The following TREX2 variants were observed in gnomAD, a reference collection of about 807,000 sequenced individuals.
TREX2 encodes 3'-5' exonuclease TREX2 long form.
For missense variants in TREX2, 242 were observed against 235.3 expected (o/e 1.03, Z -0.19); for synonymous variants, 121 against 112.1 (o/e 1.08, Z -0.50).
chrX:153,445,541 C>G (rs1409716321), intron 1 of TREX2, 46 bp from the exon 2 acceptor site: 25 of 785,897 alleles, frequency 3.2e-5, no homozygotes, highest in Non-Finnish European at 4.3e-5. Context: ...CCATCCTCCC[C>G]CTAGCCAAAG....
chrX:153,444,682 G>C lies in TREX2; in HGVS notation c.*38C>G, dbSNP rs782788838. On this transcript the variant is annotated 3_prime_UTR_variant, in exon 2 of 2. Transcript: ENST00000370231. ...GGTAGAGGCCAGCTGAACGGTGGAG[G>C]CTGGCACTGTCCATGGCACAGGAGG... 1.7e-6 allele frequency: 2 copies of C among 1,159,878 alleles called. No homozygotes were observed. The highest frequency in any genetic ancestry group is 3.8e-5 in the South Asian group (2 of 52,741).
In TREX2 at chrX:153,444,860, C is replaced by A. The variant is rs2089137892; in HGVS notation, c.571G>T (p.Glu191Ter). Residue 191 changes from glutamate to a stop codon, truncating the protein, a stop_gained, in exon 2 of 2, where the codon GAG (glutamate) becomes TAG (stop). Coordinates refer to ENST00000370231, the MANE Select transcript of TREX2 (RefSeq NM_080701.4). LOFTEE classifies it low-confidence loss of function (END_TRUNC). ...RAEPSAAHSAEGDVHTLLLIF... is the reference protein window; with the variant it reads ...RAEPSAAHSA ...AGGAGCAGGGTGTGCACGTCGCCCT[C>A]GGCTGAGTGGGCTGCGCTTGGCTCT... is the stretch of plus-strand genomic sequence containing the variant. 1 of 1,204,286 alleles carries A rather than the reference C, an allele frequency of 8.3e-7. No homozygotes were observed.
rs368227305 is a variant in TREX2, at chrX:153,444,875, C to G, written c.556G>C (p.Ala186Pro). ...ACGTCGCCCTCGGCTGAGTGGGCTG[C>G]GCTTGGCTCTGCCCGGAAGTAGCGG... ...FHRYFRAEPSAAHSAEGDVHT... is the reference protein window; with the variant it reads ...FHRYFRAEPSPAHSAEGDVHT... The change falls in exon 2 of 2, where the codon GCA (alanine) becomes CCA (proline). Residue 186 changes from alanine to proline, a missense_variant. Coordinates refer to ENST00000370231, the MANE Select transcript of TREX2 (RefSeq NM_080701.4). 8.3e-7 allele frequency: 1 copy of G among 1,204,111 alleles called. No homozygotes were observed. The highest frequency in any genetic ancestry group is 1.8e-5 in the South Asian group (1 of 55,649).
chrX:153,444,690 T>C lies in TREX2; in HGVS notation c.*30A>G. ...CCAGCTGAACGGTGGAGGCTGGCAC[T>C]GTCCATGGCACAGGAGGTGGCCCTG... On this transcript the variant is annotated 3_prime_UTR_variant, in exon 2 of 2. Coordinates refer to ENST00000370231, the MANE Select transcript of TREX2 (RefSeq NM_080701.4). 8.6e-7 allele frequency: 1 copy of C among 1,166,602 alleles called. No homozygotes were observed. Among genetic ancestry groups the C allele is most frequent in the Non-Finnish European group, 1.1e-6 (1 of 872,413 alleles).
chrX:153,445,063 T>C lies in TREX2; in HGVS notation c.368A>G (p.Asp123Gly). The change falls in exon 2 of 2, where the codon GAT becomes GGT. Residue 123 changes from aspartate to glycine, a missense_variant. By Grantham distance (94) the Asp-to-Gly change is moderately conservative. Transcript: ENST00000370231. ...CLVAHNGFDY[D>G]FPLLCAELRR... ...CAGCTCGGCACACAGCAGGGGGAAATCATAATCAAAGCCATTGTGGGCCAC... is the reference window on the plus strand; with the variant it reads ...CAGCTCGGCACACAGCAGGGGGAAACCATAATCAAAGCCATTGTGGGCCAC... The C allele has an allele frequency of 1.7e-6, 2 of 1,170,561 alleles. No individual in the cohort carries two copies. Among genetic ancestry groups the C allele is most frequent in the Non-Finnish European group, 2.3e-6 (2 of 874,765 alleles).
rs2089140582 is a variant in TREX2 at position 153,444,946 on chromosome X, G to A, written c.485C>T (p.Thr162Ile). Reference protein sequence around the residue: ...RGLDRAHSHGTRARGRQGYSL... With the variant: ...RGLDRAHSHGIRARGRQGYSL... Reference sequence around the variant, plus strand: ...GTAACCCTGGCGGCCCCGGGCCCGGGTGCCGTGGCTGTGGGCGCGGTCCAG... The same window carrying A: ...GTAACCCTGGCGGCCCCGGGCCCGGATGCCGTGGCTGTGGGCGCGGTCCAG... The change falls in exon 2 of 2, where the codon ACC (threonine) becomes ATC (isoleucine). Residue 162 changes from threonine (T) to isoleucine (I), a missense_variant. Coordinates refer to ENST00000370231, the MANE Select transcript of TREX2 (RefSeq NM_080701.4). 8.4e-7 allele frequency: 1 copy of A among 1,190,345 alleles called. No individual in the cohort carries two copies. The highest frequency in any genetic ancestry group is 2.3e-5 in the Admixed American group (1 of 43,125).
At position 153,445,255 on chromosome X, in the gene TREX2, T is replaced by C. The variant is rs148495252; in HGVS notation, c.176A>G (p.Lys59Arg). The change falls in exon 2 of 2, where the codon AAG becomes AGG. Residue 59 changes from lysine (K) to arginine (R), a missense_variant. By Grantham distance (26) the Lys-to-Arg change is conservative. Transcript: ENST00000370231. ...CTCCGGGCACATGCACAGCGTGAGC[T>C]TGTCCAGGACCCGGGGCAATACTAG... is the stretch of plus-strand genomic sequence containing the variant. ...GALVLPRVLD[K>R]LTLCMCPERP... 824 of 1,198,585 alleles carry C rather than the reference T, an allele frequency of 6.9e-4. 1 individual carries two copies. Among genetic ancestry groups the C allele is most frequent in the Non-Finnish European group, 8.6e-4 (761 of 888,123 alleles).
In TREX2 at chrX:153,444,821, G is replaced by A. The variant is rs782744565; in HGVS notation, c.610C>T (p.Arg204Cys). The change falls in exon 2 of 2, where the codon CGC (arginine) becomes TGC (cysteine). Residue 204 changes from arginine to cysteine, a missense_variant. Arg to Cys is a radical substitution (Grantham distance 180). Transcript: ENST00000370231. ...VHTLLLIFLH[R>C]AAELLAWADE... The stretch of plus-strand genomic sequence containing the variant: ...GCCCAGGCGAGCAGCTCTGCGGCGC[G>A]GTGCAGGAAGATCAGGAGCAGGGTG... The A allele has an allele frequency of 3.0e-5, 36 of 1,199,057 alleles. No individual in the cohort carries two copies. Among genetic ancestry groups the A allele is most frequent in the Middle Eastern group, 2.3e-4 (1 of 4,308 alleles).
At position 153,445,367 on chromosome X, in the gene TREX2, TG is replaced by T; in HGVS notation, c.63del (p.Ser22ValfsTer30). On this transcript the variant is annotated frameshift_variant, in exon 2 of 2. Coordinates refer to ENST00000370231, the MANE Select transcript of TREX2 (RefSeq NM_080701.4). LOFTEE classifies it low-confidence loss of function (END_TRUNC). ...VFLDLEATGL[P>X]SVEPEIAELS... Reference sequence around the variant, plus strand: ...AGCTCGGCAATCTCGGGCTCCACACTGGGGAGCCCAGTGGCTTCCAGGTCCA... The same window carrying T: ...AGCTCGGCAATCTCGGGCTCCACACTGGGAGCCCAGTGGCTTCCAGGTCCA... 1 of 1,186,528 alleles carries T rather than the reference TG, an allele frequency of 8.4e-7. No individual in the cohort carries two copies. Among genetic ancestry groups the T allele is most frequent in the Non-Finnish European group, 1.1e-6 (1 of 882,683 alleles).
In TREX2 at chrX:153,444,977, G is replaced by A. The variant is rs782760279; in HGVS notation, c.454C>T (p.Arg152Trp). ...TGGCTGTGGGCGCGGTCCAGGCCCC[G>A]CAGGGCCGGCAGCGTGTCCAGGCAG... ...TVCLDTLPAL[R>W]GLDRAHSHGT... Residue 152 changes from arginine (R) to tryptophan (W), a missense_variant, in exon 2 of 2, where the codon CGG becomes TGG. Physicochemically the swap from Arg to Trp is moderately radical, Grantham distance 101. Coordinates refer to ENST00000370231, the MANE Select transcript of TREX2 (RefSeq NM_080701.4). 23 of 1,177,644 alleles carry A rather than the reference G, an allele frequency of 2.0e-5. No individual in the cohort carries two copies. Among genetic ancestry groups the A allele is most frequent in the Admixed American group, 9.8e-5 (4 of 40,653 alleles).
intron 1 of TREX2, 104 bp downstream of exon 1, chrX:153,445,905 C>A: frequency 4.9e-6 from 1 of 203,450 alleles, no homozygotes; most frequent in Non-Finnish European, 9.0e-6. Flanking sequence ...GACCTCCCCA[C>A]CCTTGTCCCT....
intron 1 of TREX2, 101 bp downstream of exon 1, chrX:153,445,908 T>G (rs974423743): frequency 1.6e-4 from 32 of 197,290 alleles, no homozygotes; most frequent in African/African-American, 9.4e-4. Context: ...CTCCCCACCC[T>G]TGTCCCTGGC....
rs2089141630 is a variant in TREX2, at chrX:153,444,990, C to T, written c.441G>A (p.Thr147=). 2 of 1,175,882 alleles carry T rather than the reference C, an allele frequency of 1.7e-6. No homozygotes were observed. The highest frequency in any genetic ancestry group is 2.3e-6 in the Non-Finnish European group (2 of 877,774). ...GGTCCAGGCCCCGCAGGGCCGGCAGCGTGTCCAGGCAGACAGTGTCCCGGG... is the reference window on the plus strand; with the variant it reads ...GGTCCAGGCCCCGCAGGGCCGGCAGTGTGTCCAGGCAGACAGTGTCCCGGG... The part of the protein sequence containing the change: ...RLPRDTVCLD[T]LPALRGLDRA... The change falls in exon 2 of 2, where the codon ACG becomes ACA. Residue 147 remains threonine, a synonymous_variant. Transcript: ENST00000370231.
At position 153,444,707 on chromosome X, in the gene TREX2, G is replaced by C. The variant is rs782755336; in HGVS notation, c.*13C>G. 7 of 1,175,142 alleles carry C rather than the reference G, an allele frequency of 6.0e-6. No individual in the cohort carries two copies. In the Admixed American group the frequency reaches 1.3e-4, roughly 21 times the overall value. ...GCTGGCACTGTCCATGGCACAGGAG[G>C]TGGCCCTGGTGCTCAGGCCTCCAGG... On this transcript the variant is annotated 3_prime_UTR_variant, in exon 2 of 2. Transcript: ENST00000370231.
At position 153,445,237 on chromosome X, in the gene TREX2, C is replaced by A. The variant is rs782777636; in HGVS notation, c.194G>T (p.Cys65Phe). The A allele has an allele frequency of 3.3e-6, 4 of 1,202,474 alleles. No individual in the cohort carries two copies. Among genetic ancestry groups the A allele is most frequent in the East Asian group, 3.0e-5 (1 of 33,621 alleles). Residue 65 changes from cysteine (C) to phenylalanine (F), a missense_variant, in exon 2 of 2, where the codon TGC (cysteine) becomes TTC (phenylalanine). Transcript: ENST00000370231. ...CTTGGCAGTGAAGGGGCGCTCCGGGCACATGCACAGCGTGAGCTTGTCCAG... is the reference window on the plus strand; with the variant it reads ...CTTGGCAGTGAAGGGGCGCTCCGGGAACATGCACAGCGTGAGCTTGTCCAG... ...RVLDKLTLCM[C>F]PERPFTAKAS...
chrX:153,445,105 G>A lies in TREX2; in HGVS notation c.326C>T (p.Ala109Val), dbSNP rs138130683. 20 of 1,191,714 alleles carry A rather than the reference G, an allele frequency of 1.7e-5. No homozygotes were observed. The African/African-American group carries it at 2.8e-4, about 17-fold the overall frequency. The change falls in exon 2 of 2, where the codon GCA becomes GTA. Residue 109 changes from alanine (A) to valine (V), a missense_variant. Physicochemically the swap from Ala to Val is moderately conservative, Grantham distance 64 (BLOSUM62 0). Transcript: ENST00000370231. Reference sequence around the variant, plus strand: ...GTGGGCCACAAGGCAGATGGGCCCTGCCTGGCGGCTCAGGAAGGCCTGCAG... The same window carrying A: ...GTGGGCCACAAGGCAGATGGGCCCTACCTGGCGGCTCAGGAAGGCCTGCAG... ...RTLQAFLSRQ[A>V]GPICLVAHNG...
Position 153,444,780 on chromosome X carries a change from A to G in TREX2, c.651T>C (p.Arg217=), listed in dbSNP as rs916046. 0.027 allele frequency: 31,879 copies of G among 1,194,969 alleles called. 2,968 individuals are homozygous for G. In the African/African-American group the frequency reaches 0.37, roughly 14 times the overall value. The change falls in exon 2 of 2, where the codon CGT becomes CGC. Residue 217 remains arginine (R), a synonymous_variant. Coordinates refer to ENST00000370231, the MANE Select transcript of TREX2 (RefSeq NM_080701.4). ...ACATGGGCTCGATGTGGGCCCACCC[A>G]CGGGCCTGCTCATCGGCCCAGGCGA... The part of the protein sequence containing the change: ...ELLAWADEQA[R]GWAHIEPMYL...
At chrX:153,445,877 C>G in intron 1 of TREX2, 132 bp downstream of exon 1, 1 of 244,993 alleles carries the variant, frequency 4.1e-6, no homozygotes, top group Non-Finnish European at 7.3e-6. Context: ...TGCAGTGCAC[C>G]CAGCTCCCGC....
rs531175165 is a variant in TREX2 at position 153,444,526 on chromosome X, C to G, written c.*194G>C. Among the ~76,000 whole-genome samples, 2 of 113,077 alleles carry G rather than the reference C, an allele frequency of 1.8e-5. No individual in the cohort carries two copies. The highest frequency in any genetic ancestry group is 7.2e-4 in the South Asian group (2 of 2,771). On this transcript the variant is annotated 3_prime_UTR_variant, in exon 2 of 2. Coordinates refer to ENST00000370231, the MANE Select transcript of TREX2 (RefSeq NM_080701.4). ...CAGCAAACTCTGCTGGGCACCCAGG[C>G]CAGCCGGGAGAGCACGGCCCTGGAA...
Sources: gnomAD v4.1 joint callset for allele counts (sites outside exome capture counted in the v4.1 genomes callset) on GRCh38, gnomAD v4.1.1 for gene constraint, MANE v1.5 for transcripts, NCBI Gene and HGNC (gene_info 2026-07-23, HGNC 2026-07-21) for gene names.